Variants in MITF observed in about 807,000 individuals in gnomAD.
MITF encodes the protein microphthalmia-associated transcription factor.
In MITF, 17 loss-of-function variants were observed where a neutral mutation model predicts 60.5. The observed-to-expected ratio is 0.28, with a 90% CI of 0.19 to 0.42. The LOEUF (loss-of-function observed/expected upper bound fraction) is 0.42. Among genes scored for constraint, MITF ranks in the 10% least tolerant of loss-of-function variants. MITF has a pLI of 1.00. For synonymous variants in MITF, 260 were observed against 248.5 expected (o/e 1.05, Z -0.43); for missense variants, 622 against 683.5 (o/e 0.91, Z 1.00).
chr3:69,799,087 G>A (rs964125263), intron 1 of MITF, among the ~76,000 whole-genome samples: 1 of 152,192 alleles, frequency 6.6e-6, no homozygotes, highest in African/African-American at 2.4e-5. Flanking sequence ...ACACTCATTT[G>A]TTGAGGGAGT....
chr3:69,937,997 C>T lies in MITF; in HGVS notation c.530C>T (p.Ala177Val). The T allele has an allele frequency of 6.2e-7, 1 of 1,614,218 alleles. No individual in the cohort carries two copies. Among genetic ancestry groups the T allele is most frequent in the Non-Finnish European group, 8.5e-7 (1 of 1,180,016 alleles). Residue 177 changes from alanine to valine, a missense_variant, in exon 3 of 10, where the codon GCA (alanine) becomes GTA (valine). Transcript: ENST00000352241. ...HVMPPVPGSS[A>V]PNSPMAMLTL... ...ATGCCACCGGTGCCGGGGAGCAGCG[C>T]ACCCAACAGCCCCATGGCTATGCTT...
At chr3:69,859,287 C>T (rs2063971300) in intron 1 of MITF, among the ~76,000 whole-genome samples, 1 of 152,206 alleles carries the variant, frequency 6.6e-6, no homozygotes, top group Admixed American at 6.5e-5. Context: ...GTTTTGCACA[C>T]CAGTGACTTC....
intron 7 of MITF, among the ~76,000 whole-genome samples, chr3:69,953,327 G>A (rs1203008324): frequency 6.6e-6 from 1 of 152,036 alleles, no homozygotes; most frequent in Admixed American, 6.6e-5. Context: ...ATAGATACCT[G>A]TAATTAGGCA....
At chr3:69,925,178 A>C (rs1280962933) in intron 2 of MITF, among the ~76,000 whole-genome samples, 4 of 152,288 alleles carry the variant, frequency 2.6e-5, no homozygotes, top group Admixed American at 6.5e-5. Flanking sequence ...TAAGCTTATC[A>C]GCATCTCCAG....
chr3:69,832,608 A>T (rs1232030192), intron 1 of MITF, among the ~76,000 whole-genome samples: 1 of 152,100 alleles, frequency 6.6e-6, no homozygotes, highest in Non-Finnish European at 1.5e-5. Context: ...CATTGTACGC[A>T]ATTGTTTCCC....
At chr3:69,761,313 T>C (rs1012472559) in intron 1 of MITF, among the ~76,000 whole-genome samples, 12 of 152,204 alleles carry the variant, frequency 7.9e-5, no homozygotes, top group Middle Eastern at 3.2e-3. Context: ...TTTTATATAA[T>C]ATAATTCTAA....
At chr3:69,800,414 G>T (rs1272727345) in intron 1 of MITF, among the ~76,000 whole-genome samples, 1 of 152,066 alleles carries the variant, frequency 6.6e-6, no homozygotes, top group East Asian at 1.9e-4. Context: ...ACAAGTTTTT[G>T]TGTGAACATA....
chr3:69,957,659 T>C (rs1269417254), intron 8 of MITF, among the ~76,000 whole-genome samples: 3 of 152,248 alleles, frequency 2.0e-5, no homozygotes, highest in Non-Finnish European at 2.9e-5. Context: ...TCCTCTTCTT[T>C]ATCAGCTTTC....
intron 1 of MITF, among the ~76,000 whole-genome samples, chr3:69,872,386 T>G (rs75642647): frequency 0.018 from 2,681 of 152,308 alleles, 38 homozygotes; most frequent in Middle Eastern, 0.051. Context: ...ATTGTTCGTA[T>G]GTTACAGAGG....
intron 1 of MITF, chr3:69,763,686 A>G: frequency 1.6e-6 from 2 of 1,285,854 alleles, no homozygotes; most frequent in Non-Finnish European, 2.0e-6. Context: ...GGGCCAAGGC[A>G]GCCCTGGTGA....
At chr3:69,759,327 T>C (rs2062177215) in intron 1 of MITF, among the ~76,000 whole-genome samples, 1 of 152,144 alleles carries the variant, frequency 6.6e-6, no homozygotes, top group South Asian at 2.1e-4. Context: ...GGTGCCATAC[T>C]GAATAGAGGA....
At chr3:69,844,243 A>G (rs1040605786) in intron 1 of MITF, among the ~76,000 whole-genome samples, 2 of 152,208 alleles carry the variant, frequency 1.3e-5, no homozygotes, top group South Asian at 2.1e-4. Context: ...ATAGTAACCA[A>G]AACAGCATGG....
intron 1 of MITF, among the ~76,000 whole-genome samples, chr3:69,747,050 T>C (rs1006974075): frequency 6.6e-6 from 1 of 152,226 alleles, no homozygotes; most frequent in East Asian, 1.9e-4. Context: ...ACCCCTGTCC[T>C]GGGATTCAGA....
intron 2 of MITF, among the ~76,000 whole-genome samples, chr3:69,907,083 G>A (rs2065115991): frequency 6.6e-6 from 1 of 152,102 alleles, no homozygotes; most frequent in East Asian, 1.9e-4. Flanking sequence ...TACACAACCA[G>A]AAGTAATAGA....
intron 1 of MITF, among the ~76,000 whole-genome samples, chr3:69,842,071 G>A (rs1372405114): frequency 1.3e-5 from 2 of 152,196 alleles, no homozygotes; most frequent in Non-Finnish European, 2.9e-5. Flanking sequence ...TATGAAGTGA[G>A]CGGTGTCCTC....
intron 1 of MITF, among the ~76,000 whole-genome samples, chr3:69,841,803 A>T (rs974467429): frequency 3.9e-5 from 6 of 152,244 alleles, no homozygotes; most frequent in Non-Finnish European, 7.3e-5. Context: ...TAAGTAGGTC[A>T]AGTGAAATTG....
At chr3:69,926,658 T>A (rs766052105) in intron 2 of MITF, among the ~76,000 whole-genome samples, 65 of 152,088 alleles carry the variant, frequency 4.3e-4, no homozygotes, top group Admixed American at 1.8e-3. Context: ...CACTCGCAGC[T>A]CCCATGGTGG....
At chr3:69,900,154 C>G (rs1009608491) in intron 2 of MITF, among the ~76,000 whole-genome samples, 1 of 152,040 alleles carries the variant, frequency 6.6e-6, no homozygotes, top group Non-Finnish European at 1.5e-5. Flanking sequence ...ATGGTGGGCC[C>G]TATTGGGAGT....
intron 1 of MITF, among the ~76,000 whole-genome samples, chr3:69,871,804 G>A (rs542460332): frequency 6.6e-6 from 1 of 152,200 alleles, no homozygotes; most frequent in Non-Finnish European, 1.5e-5. Flanking sequence ...CCTTTAAAAA[G>A]TTTATTCCAG....
Sources: allele counts gnomAD v4.1 joint callset (sites outside exome capture counted in the v4.1 genomes callset), GRCh38; gene constraint gnomAD v4.1.1; transcripts MANE v1.5; gene names NCBI Gene and HGNC (gene_info 2026-07-23, HGNC 2026-07-21).